The following CAPN13 variants were observed in gnomAD, a reference collection of about 807,000 sequenced individuals.
CAPN13 encodes the protein calpain-13.
A neutral mutation model predicts 98.4 loss-of-function variants in CAPN13; 90 were observed. The observed-to-expected ratio is 0.92, with a 90% confidence interval of 0.77 to 1.09. CAPN13 has a LOEUF of 1.09. CAPN13 is among the 50% of genes least tolerant of loss of function. The pLI is 0.00. For synonymous variants in CAPN13, 330 were observed against 305.5 expected (o/e 1.08, Z -0.84); for missense variants, 887 against 841.3 (o/e 1.05, Z -0.67).
Position 30,732,550 on chromosome 2 carries a change from G to A in CAPN13, c.1815C>T (p.Ile605=). 1 of 1,609,120 alleles carries A rather than the reference G, an allele frequency of 6.2e-7. No homozygotes were observed. The highest frequency in any genetic ancestry group is 8.5e-7 in the Non-Finnish European group (1 of 1,178,220). Residue 605 remains isoleucine (I), a synonymous_variant, in exon 20 of 23, where the codon ATC becomes ATT. Transcript: ENST00000295055. ...AIENTDFLRG[I]FISRELLHLV... is the part of the protein sequence containing the mutation. ...GATGCAGCAGCTCACGGCTGATGAA[G>A]ATCCCTCTGAGGAAGTCTGGGGCCA...
chr2:30,776,118 CTTACCACCA>C, intron 3 of CAPN13, 73 bp from the exon 4 acceptor site: 2 of 944,332 alleles, frequency 2.1e-6, no homozygotes, highest in South Asian at 3.3e-5. Flanking sequence ...TTCAAAGGTC[CTTACCACCA>C]GAGGCTACAC....
At chr2:30,761,797 C>G (rs1189084958) in intron 7 of CAPN13, among the ~76,000 whole-genome samples, 1 of 152,052 alleles carries the variant, frequency 6.6e-6, no homozygotes, top group East Asian at 1.9e-4. Flanking sequence ...ATTGGGACAC[C>G]GATCAAACCA....
At chr2:30,743,788 C>G in intron 12 of CAPN13, 1 of 677,670 alleles carries the variant, frequency 1.5e-6, no homozygotes, top group Non-Finnish European at 2.7e-6. Context: ...ACAATGGATG[C>G]AAGGAAATAC....
chr2:30,806,942 T>C (rs1043481709), intron 1 of CAPN13, among the ~76,000 whole-genome samples: 1 of 152,230 alleles, frequency 6.6e-6, no homozygotes, highest in Non-Finnish European at 1.5e-5. Flanking sequence ...AAAGAAGACA[T>C]GATTTCTGCC....
At chr2:30,791,962 A>C (rs1387927876) in intron 1 of CAPN13, among the ~76,000 whole-genome samples, 1 of 152,190 alleles carries the variant, frequency 6.6e-6, no homozygotes, top group Non-Finnish European at 1.5e-5. Context: ...AGAAACATGA[A>C]AAGGGCATTT....
intron 5 of CAPN13, 35 bp from the exon 6 acceptor site, chr2:30,764,341 CT>C: frequency 4.4e-6 from 7 of 1,606,204 alleles, no homozygotes; most frequent in Non-Finnish European, 6.0e-6. Context: ...ATCGTGGTGC[CT>C]TTGGTGAGAT....
At chr2:30,742,038 A>G in intron 14 of CAPN13, 74 bp from the exon 15 acceptor site, 3 of 1,338,100 alleles carry the variant, frequency 2.2e-6, no homozygotes, top group Non-Finnish European at 3.2e-6. Flanking sequence ...GCAAGGGTGC[A>G]ACAACCCCTG....
At chr2:30,770,544 A>G in intron 4 of CAPN13, 95 bp from the exon 5 acceptor site, 1 of 1,435,328 alleles carries the variant, frequency 7.0e-7, no homozygotes, top group African/African-American at 1.4e-5. Context: ...CATGACCTCT[A>G]CAATGCAATA....
At chr2:30,767,516 A>G (rs1360530786) in intron 5 of CAPN13, among the ~76,000 whole-genome samples, 1 of 152,146 alleles carries the variant, frequency 6.6e-6, no homozygotes, top group Non-Finnish European at 1.5e-5. Flanking sequence ...CCCCGTTTTT[A>G]CATAAGGATA....
intron 11 of CAPN13, chr2:30,746,625 T>C: frequency 4.8e-6 from 1 of 209,986 alleles, no homozygotes; most frequent in Admixed American, 5.0e-5. Context: ...CTGCTGGGTG[T>C]CAAGATTTCC....
chr2:30,733,591 T>G (rs927573000), intron 19 of CAPN13, among the ~76,000 whole-genome samples: 2 of 152,028 alleles, frequency 1.3e-5, no homozygotes, highest in African/African-American at 2.4e-5. Context: ...CCACACCCCC[T>G]GATCAGAGGT....
intron 4 of CAPN13, among the ~76,000 whole-genome samples, chr2:30,773,549 G>A (rs1673520683): frequency 6.6e-6 from 1 of 152,162 alleles, no homozygotes; most frequent in African/African-American, 2.4e-5. Context: ...ATAACAGGAA[G>A]CCAAAGTGGC....
rs766113799 is a variant in CAPN13 at position 30,734,338 on chromosome 2, C to T, written c.1798+111G>A. On this transcript the variant is annotated intron_variant, in intron 19 of 22. Transcript: ENST00000295055. ...TGGGGAGGACACGAGAGCTGCAGCG[C>T]TCCTCTCTCCTGATTGCCTGGCACT... 3.8e-6 allele frequency: 3 copies of T among 799,100 alleles called. No individual in the cohort carries two copies. In the Admixed American group the frequency reaches 6.5e-5, roughly 17 times the overall value. The allele number at this position is 799,100 out of a possible 1,614,324, so 49.5% of individuals were successfully genotyped here. A position where few individuals can be genotyped will look rare whatever the true frequency, so the allele number is the denominator to read the frequency against.
In CAPN13 at chr2:30,754,344, G is replaced by A. The variant is rs748850491; in HGVS notation, c.887C>T (p.Thr296Ile). Residue 296 changes from threonine (T) to isoleucine (I), a missense_variant, in exon 9 of 23, where the codon ACC becomes ATC. By Grantham distance (89) the Thr-to-Ile change is moderately conservative (BLOSUM62 -1). Coordinates refer to ENST00000295055, the MANE Select transcript of CAPN13 (RefSeq NM_144575.3). ...TAGCTGGCTTTTCCGCGGATCACAG[G>A]TTTCCTCCCACTCCTGAGACCTGAG... ...WSDGSQEWEE[T>I]CDPRKSQLHK... 1.2e-6 allele frequency: 2 copies of A among 1,605,210 alleles called. No homozygotes were observed. Among genetic ancestry groups the A allele is most frequent in the East Asian group, 2.3e-5 (1 of 44,380 alleles).
chr2:30,743,314 A>G (rs1671747777), intron 13 of CAPN13, 69 bp downstream of exon 13: 1 of 1,386,540 alleles, frequency 7.2e-7, no homozygotes, highest in Non-Finnish European at 1.0e-6. Flanking sequence ...AGAACTGCCC[A>G]TAATTACACA....
chr2:30,775,373 C>T lies in CAPN13; in HGVS notation c.387+557G>A, dbSNP rs572652017. On this transcript the variant is annotated intron_variant, in intron 4 of 22. Transcript: ENST00000295055. Reference sequence around the variant, plus strand: ...GTTCTGAATAAATGGAAAGGTATCCCGTGTTTCTGGAAAGGAAAACTTAAA... The same window carrying T: ...GTTCTGAATAAATGGAAAGGTATCCTGTGTTTCTGGAAAGGAAAACTTAAA... Among the ~76,000 whole-genome samples the T allele has an allele frequency of 6.0e-4, 92 of 152,140 alleles. No individual in the cohort carries two copies. The Middle Eastern group carries it at 0.01, about 17-fold the overall frequency.
chr2:30,724,648 G>C (rs562122330), intron 22 of CAPN13, among the ~76,000 whole-genome samples: 1 of 152,308 alleles, frequency 6.6e-6, no homozygotes, highest in Admixed American at 6.5e-5. Flanking sequence ...GGCATCTCAA[G>C]GTGCCTGGTA....
chr2:30,783,979 G>A (rs1242894835), intron 2 of CAPN13, among the ~76,000 whole-genome samples: 1 of 152,042 alleles, frequency 6.6e-6, no homozygotes, highest in African/African-American at 2.4e-5. Context: ...TCAGGAGTTT[G>A]AGACCAGCCT....
chr2:30,777,819 A>AC (rs1673780837), intron 2 of CAPN13, among the ~76,000 whole-genome samples, 180 bp from the exon 3 acceptor site: 1 of 152,208 alleles, frequency 6.6e-6, no homozygotes, highest in African/African-American at 2.4e-5. Context: ...AGCAGGTGTC[A>AC]CGGAGTGTAA....
Sources: gnomAD v4.1 joint callset for allele counts (sites outside exome capture counted in the v4.1 genomes callset) on GRCh38, gnomAD v4.1.1 for gene constraint, MANE v1.5 for transcripts, NCBI Gene and HGNC (gene_info 2026-07-23, HGNC 2026-07-21) for gene names.